The following CACNG6 variants were observed in gnomAD, a reference collection of about 807,000 sequenced individuals.
CACNG6 encodes the protein calcium voltage-gated channel auxiliary subunit gamma 6.
Under a neutral mutation model 23.9 loss-of-function variants are expected in CACNG6, and 21 were observed. The ratio of observed to expected loss-of-function variants is 0.88; its 90% CI spans 0.62 to 1.26. The LOEUF (loss-of-function observed/expected upper bound fraction) is 1.26, where lower values mean the gene tolerates loss of function less well. Ranked by LOEUF, CACNG6 falls within the 50% of genes most tolerant of loss-of-function variation. The pLI is 0.00. For missense variants in CACNG6, 340 were observed against 352.9 expected (o/e 0.96, Z 0.29); for synonymous variants, 182 against 168.9 (o/e 1.08, Z -0.60).
chr19:54,001,180 T>C lies in CACNG6; in HGVS notation c.544+1409T>C, dbSNP rs1302048728. Among the ~76,000 whole-genome samples the C allele has an allele frequency of 2.7e-5, 4 of 146,566 alleles. No individual in the cohort carries two copies. In the Admixed American group the frequency reaches 2.7e-4, roughly 10 times the overall value. ...TTTCTTCTTGGATCAAATGTTTTCTTTTCTTTTCTTTCTTTTTTTTTTTTT... is the reference window on the plus strand; with the variant it reads ...TTTCTTCTTGGATCAAATGTTTTCTCTTCTTTTCTTTCTTTTTTTTTTTTT... On this transcript the variant is annotated intron_variant, in intron 3 of 3. Coordinates refer to ENST00000252729, the MANE Select transcript of CACNG6 (RefSeq NM_145814.2).
chr19:53,996,991 C>G (rs1049390099), intron 1 of CACNG6, among the ~76,000 whole-genome samples: 1 of 151,190 alleles, frequency 6.6e-6, no homozygotes, highest in Admixed American at 6.6e-5. Context: ...GCCTCAGCCT[C>G]CCGAGTAGCT....
chr19:54,006,536 T>C (rs921653733), intron 3 of CACNG6, among the ~76,000 whole-genome samples: 7 of 142,878 alleles, frequency 4.9e-5, no homozygotes, highest in South Asian at 2.3e-4. Context: ...TTTTTTTTTT[T>C]TTTTTTTTGT....
At chr19:54,004,950 G>T (rs991171202) in intron 3 of CACNG6, among the ~76,000 whole-genome samples, 1 of 151,380 alleles carries the variant, frequency 6.6e-6, no homozygotes, top group African/African-American at 2.4e-5. Flanking sequence ...GGTGGCTCAC[G>T]CCTGTAATCC....
intron 3 of CACNG6, among the ~76,000 whole-genome samples, chr19:54,007,418 A>G (rs2069660018): frequency 6.6e-6 from 1 of 152,214 alleles, no homozygotes; most frequent in Admixed American, 6.5e-5. Context: ...GGACCCCAAA[A>G]CATCAACTTT....
Position 53,992,950 on chromosome 19 carries a change from G to T in CACNG6, c.73G>T (p.Gly25Trp), listed in dbSNP as rs780619316. The change falls in exon 1 of 4, where the codon GGG (glycine) becomes TGG (tryptophan). Residue 25 changes from glycine (G) to tryptophan (W), a missense_variant. By Grantham distance (184) the Gly-to-Trp change is radical. Coordinates refer to ENST00000252729, the MANE Select transcript of CACNG6 (RefSeq NM_145814.2). The surrounding 1 kb of genome is among the most constrained non-coding windows in gnomAD (Gnocchi z 4.1). ...GGCCGCGGGCCGGCGGCGGGCGCAC[G>T]GGCAGGGCAGGTCGGGGCTGACGCC... ...RGAAGRRRAH[G>W]QGRSGLTPER... is the part of the protein sequence containing the mutation. 7.1e-7 allele frequency: 1 copy of T among 1,404,234 alleles called. No homozygotes were observed. The highest frequency in any genetic ancestry group is 9.2e-7 in the Non-Finnish European group (1 of 1,082,730). 87.0% of individuals were successfully genotyped at this position (1,404,234 alleles called of 1,614,324 possible). A position where few individuals can be genotyped will look rare whatever the true frequency, so the allele number is the denominator to read the frequency against.
chr19:54,010,107 G>A (rs1384786505), intron 3 of CACNG6, among the ~76,000 whole-genome samples: 4 of 129,858 alleles, frequency 3.1e-5, no homozygotes, highest in Non-Finnish European at 6.3e-5. Context: ...CACAACCTCC[G>A]CCTCCCAGGT....
intron 3 of CACNG6, among the ~76,000 whole-genome samples, chr19:54,003,068 G>A (rs761218667): frequency 3.9e-5 from 6 of 152,144 alleles, no homozygotes; most frequent in Non-Finnish European, 5.9e-5. Context: ...AAAAAGTACA[G>A]AGTATGAGAA....
chr19:53,992,920 C>T lies in CACNG6; in HGVS notation c.43C>T (p.Arg15Trp). ...NFFLQEENRR[R>W]GAAGRRRAHG... ...CTTCCTGCAAGAGGAGAACCGGCGG[C>T]GGGGGGCCGCGGGCCGGCGGCGGGC... Residue 15 changes from arginine (R) to tryptophan (W), a missense_variant, in exon 1 of 4, where the codon CGG (arginine) becomes TGG (tryptophan). Transcript: ENST00000252729. This position sits in a 1 kb window ranked among gnomAD's most constrained non-coding sequence, Gnocchi z 4.1. 7.1e-7 allele frequency: 1 copy of T among 1,399,650 alleles called. No homozygotes were observed. Among genetic ancestry groups the T allele is most frequent in the African/African-American group, 1.5e-5 (1 of 66,844 alleles). 86.7% of individuals were successfully genotyped at this position (1,399,650 alleles called of 1,614,324 possible).
At chr19:54,009,799 G>T (rs1197800423) in intron 3 of CACNG6, among the ~76,000 whole-genome samples, 1 of 146,356 alleles carries the variant, frequency 6.8e-6, no homozygotes. Context: ...AAAAAAATCA[G>T]CCTGTAATCC....
Position 54,011,998 on chromosome 19 carries a change from G to A in CACNG6, c.592G>A (p.Ala198Thr), listed in dbSNP as rs374782267. 2.0e-5 allele frequency: 32 copies of A among 1,596,530 alleles called. No homozygotes were observed. The African/African-American group carries it at 3.7e-4, about 18-fold the overall frequency. ...SLEVFRHSVRALLQRVSPEPP... is the reference protein window; with the variant it reads ...SLEVFRHSVRTLLQRVSPEPP... ...GGAGGTGTTCCGGCATTCCGTGAGG[G>A]CCCTGCTGCAGAGAGTCAGCCCGGA... The change falls in exon 4 of 4, where the codon GCC (alanine) becomes ACC (threonine). Residue 198 changes from alanine (A) to threonine (T), a missense_variant. Transcript: ENST00000252729.
intron 3 of CACNG6, among the ~76,000 whole-genome samples, chr19:54,010,109 C>T (rs1301465157): frequency 1.3e-5 from 2 of 149,316 alleles, no homozygotes; most frequent in Non-Finnish European, 3.0e-5. Context: ...CAACCTCCGC[C>T]TCCCAGGTTC....
At chr19:54,006,119 TA>T (rs148211937) in intron 3 of CACNG6, among the ~76,000 whole-genome samples, 4 of 145,150 alleles carry the variant, frequency 2.8e-5, no homozygotes, top group Non-Finnish European at 6.2e-5. Context: ...AATAAATAAA[TA>T]AAATAAGAAA....
chr19:53,997,837 CTG>C, intron 1 of CACNG6, among the ~76,000 whole-genome samples: 1 of 152,310 alleles, frequency 6.6e-6, no homozygotes, highest in South Asian at 2.1e-4. Flanking sequence ...GGATTCCTTT[CTG>C]AGTCTGTTAG....
chr19:53,998,311 A>C lies in CACNG6; in HGVS notation c.404A>C (p.Lys135Thr). 1 of 1,613,872 alleles carries C rather than the reference A, an allele frequency of 6.2e-7. No individual in the cohort carries two copies. ...CGCATCTTTCAGAGAACCACAAAGAAAGGTGAGAACTTTTCACCCCCTGCT... is the reference window on the plus strand; with the variant it reads ...CGCATCTTTCAGAGAACCACAAAGACAGGTGAGAACTTTTCACCCCCTGCT... The part of the protein sequence containing the change: ...NARIFQRTTK[K>T]EVNLAAAVIA... Residue 135 changes from lysine to threonine, a missense_variant and splice_region_variant, in exon 2 of 4, where the codon AAA becomes ACA. Coordinates refer to ENST00000252729, the MANE Select transcript of CACNG6 (RefSeq NM_145814.2).
chr19:53,993,237 C>A, intron 1 of CACNG6, 29 bp downstream of exon 1: 2 of 1,519,408 alleles, frequency 1.3e-6, no homozygotes, highest in Non-Finnish European at 1.8e-6. Context: ...GAGCGCAGGG[C>A]TTGCGTCCCA....
At chr19:54,010,603 C>G (rs2069695359) in intron 3 of CACNG6, among the ~76,000 whole-genome samples, 1 of 151,740 alleles carries the variant, frequency 6.6e-6, no homozygotes, top group Non-Finnish European at 1.5e-5. Context: ...GAATTGGGAT[C>G]TTGCTGTGTT....
chr19:54,011,227 T>TATATACACACACAC (rs1442985544), intron 3 of CACNG6, among the ~76,000 whole-genome samples: 66 of 95,254 alleles, frequency 6.9e-4, no homozygotes, highest in African/African-American at 3.5e-3. Flanking sequence ...TATATATATA[T>TATATACACACACAC]ACACACACAC....
Position 53,998,305 on chromosome 19 carries a change from C to G in CACNG6, c.398C>G (p.Thr133Arg). The change falls in exon 2 of 4, where the codon ACA becomes AGA. Residue 133 changes from threonine (T) to arginine (R), a missense_variant. Physicochemically the swap from Thr to Arg is moderately conservative, Grantham distance 71. Transcript: ENST00000252729. ...AATGCACGCATCTTTCAGAGAACCA[C>G]AAAGAAAGGTGAGAACTTTTCACCC... ...GENARIFQRT[T>R]KKEVNLAAAV... The G allele has an allele frequency of 6.2e-7, 1 of 1,613,854 alleles. No homozygotes were observed. Among genetic ancestry groups the G allele is most frequent in the Non-Finnish European group, 8.5e-7 (1 of 1,179,872 alleles).
At chr19:53,999,605 T>C in intron 2 of CACNG6, 29 bp from the exon 3 acceptor site, 1 of 1,609,860 alleles carries the variant, frequency 6.2e-7, no homozygotes, top group South Asian at 1.1e-5. Flanking sequence ...TCCCATGTTC[T>C]CTGCTTCTTT....
Sources: gnomAD v4.1 joint callset for allele counts (sites outside exome capture counted in the v4.1 genomes callset) on GRCh38, gnomAD v4.1.1 for gene constraint, Gnocchi (gnomAD v3.1) non-coding constraint, MANE v1.5 for transcripts, NCBI Gene and HGNC (gene_info 2026-07-23, HGNC 2026-07-21) for gene names.